The following DNM3 variants were observed in gnomAD, a reference collection of about 807,000 sequenced individuals.
DNM3 encodes dynamin-3.
In DNM3, 47 loss-of-function variants were observed where a neutral mutation model predicts 101.6. That is an observed-to-expected ratio of 0.46 (90% CI 0.37 to 0.59). The LOEUF (loss-of-function observed/expected upper bound fraction) is 0.59. Ranked by LOEUF, DNM3 falls within the 20% of genes least tolerant of loss-of-function variation. The pLI, the probability that DNM3 is intolerant of heterozygous loss-of-function variation, is 0.00. For synonymous variants in DNM3, 385 were observed against 387.9 expected (o/e 0.99, Z 0.09); for missense variants, 849 against 1,085.7 (o/e 0.78, Z 3.06).
intron 14 of DNM3, among the ~76,000 whole-genome samples, chr1:172,232,032 C>A (rs1421218662): frequency 6.6e-6 from 1 of 152,078 alleles, no homozygotes; most frequent in Non-Finnish European, 1.5e-5. Context: ...AGATATTATC[C>A]ATAACAATAT....
intron 4 of DNM3, among the ~76,000 whole-genome samples, chr1:172,027,585 A>AAC (rs61620821): frequency 0.055 from 7,800 of 141,376 alleles, 206 homozygotes; most frequent in Non-Finnish European, 0.061. Flanking sequence ...TGTCTCAAGA[A>AAC]ACACACACAC....
In DNM3 at chr1:171,842,138, C is replaced by T. The variant is rs186817617; in HGVS notation, c.161+321C>T. ...GGTCCGCCCCGGGCTCGACCCCCAC[C>T]CCCTCGGTGCGCGCCAGCCCCGGGC... On this transcript the variant is annotated intron_variant, in intron 1 of 20. Coordinates refer to ENST00000627582, the MANE Select transcript of DNM3 (RefSeq NM_015569.5). 3.5e-3 allele frequency among the ~76,000 whole-genome samples: 530 copies of T among 152,262 alleles called. 5 individuals are homozygous for T. Among genetic ancestry groups the T allele is most frequent in the Non-Finnish European group, 4.7e-3 (320 of 67,994 alleles).
At chr1:172,338,418 T>C (rs2066541928) in intron 17 of DNM3, among the ~76,000 whole-genome samples, 1 of 152,232 alleles carries the variant, frequency 6.6e-6, no homozygotes, top group Non-Finnish European at 1.5e-5. Flanking sequence ...GTGAGAATCA[T>C]GCCCTAAGTC....
At chr1:172,340,662 T>A (rs1410642041) in intron 17 of DNM3, among the ~76,000 whole-genome samples, 1 of 152,228 alleles carries the variant, frequency 6.6e-6, no homozygotes, top group Non-Finnish European at 1.5e-5. Flanking sequence ...ATCAATGCAA[T>A]GAGACATTTC....
At chr1:172,058,821 CA>C (rs1375660286) in intron 10 of DNM3, among the ~76,000 whole-genome samples, 1 of 151,352 alleles carries the variant, frequency 6.6e-6, no homozygotes, top group Non-Finnish European at 1.5e-5. Flanking sequence ...CAAAAGCTAG[CA>C]GAAGGCAAGA....
At chr1:172,064,542 T>A (rs867603829) in intron 10 of DNM3, among the ~76,000 whole-genome samples, 6 of 152,136 alleles carry the variant, frequency 3.9e-5, no homozygotes, top group Non-Finnish European at 7.4e-5. Flanking sequence ...TGAGATTAAA[T>A]GAGATAATGA....
chr1:172,233,629 C>G (rs1349783485), intron 14 of DNM3, among the ~76,000 whole-genome samples: 1 of 152,076 alleles, frequency 6.6e-6, no homozygotes, highest in Non-Finnish European at 1.5e-5. Context: ...AACATCGATG[C>G]AAAAATCCTC....
intron 17 of DNM3, among the ~76,000 whole-genome samples, chr1:172,360,779 T>G (rs1384357718): frequency 6.6e-6 from 1 of 152,048 alleles, no homozygotes; most frequent in Non-Finnish European, 1.5e-5. Flanking sequence ...CAATCTGTCC[T>G]CATCTTATAA....
At chr1:172,359,329 C>T (rs959219316) in intron 17 of DNM3, among the ~76,000 whole-genome samples, 1 of 151,918 alleles carries the variant, frequency 6.6e-6, no homozygotes, top group Non-Finnish European at 1.5e-5. Context: ...CATTATTTTG[C>T]CAGCAAGCCA....
At position 171,841,781 on chromosome 1, in the gene DNM3, C is replaced by G; in HGVS notation, c.125C>G (p.Ala42Gly). 3 of 1,610,024 alleles carry G rather than the reference C, an allele frequency of 1.9e-6. No homozygotes were observed. ...PQIAVVGGQS[A>G]GKSSVLENFV... Reference sequence around the variant, plus strand: ...ATCGCCGTGGTGGGCGGCCAGAGCGCCGGCAAGAGCTCGGTGCTCGAGAAC... The same window carrying G: ...ATCGCCGTGGTGGGCGGCCAGAGCGGCGGCAAGAGCTCGGTGCTCGAGAAC... Residue 42 changes from alanine (A) to glycine (G), a missense_variant, in exon 1 of 21, where the codon GCC becomes GGC. By Grantham distance (60) the Ala-to-Gly change is moderately conservative. Transcript: ENST00000627582.
intron 12 of DNM3, among the ~76,000 whole-genome samples, chr1:172,087,749 C>G (rs953492574): frequency 6.6e-6 from 1 of 152,216 alleles, no homozygotes. Context: ...ACAACAGTCT[C>G]TCTGTACCCC....
At chr1:172,358,005 G>A (rs974489298) in intron 17 of DNM3, among the ~76,000 whole-genome samples, 1 of 152,038 alleles carries the variant, frequency 6.6e-6, no homozygotes, top group South Asian at 2.1e-4. Flanking sequence ...TGCTGAATCA[G>A]TGTGGTAGAG....
chr1:172,218,515 G>A (rs1435703208), intron 14 of DNM3, among the ~76,000 whole-genome samples: 2 of 152,022 alleles, frequency 1.3e-5, no homozygotes. Context: ...GCACTAATAT[G>A]ATGTTATTTA....
At chr1:172,275,246 T>G (rs11808940) in intron 15 of DNM3, among the ~76,000 whole-genome samples, 1 of 151,688 alleles carries the variant, frequency 6.6e-6, no homozygotes, top group Non-Finnish European at 1.5e-5. Flanking sequence ...AGATCAAATT[T>G]CCATTAACTA....
At chr1:171,991,862 C>G (rs975461925) in intron 4 of DNM3, among the ~76,000 whole-genome samples, 2 of 152,186 alleles carry the variant, frequency 1.3e-5, no homozygotes, top group African/African-American at 2.4e-5. Context: ...ACTAAAAATG[C>G]GTACCGCAAT....
At chr1:172,359,810 C>T (rs1169593194) in intron 17 of DNM3, among the ~76,000 whole-genome samples, 1 of 151,986 alleles carries the variant, frequency 6.6e-6, no homozygotes, top group Non-Finnish European at 1.5e-5. Context: ...TTCTGCGGCT[C>T]TTTTCCCTGA....
chr1:172,067,491 T>C (rs968998593), intron 10 of DNM3, among the ~76,000 whole-genome samples: 8 of 152,126 alleles, frequency 5.3e-5, no homozygotes, highest in Non-Finnish European at 1.2e-4. Flanking sequence ...CTGAGGATCA[T>C]ACTCCTCAGT....
chr1:172,159,690 A>G (rs1187231950), intron 14 of DNM3, among the ~76,000 whole-genome samples: 1 of 152,112 alleles, frequency 6.6e-6, no homozygotes, highest in Non-Finnish European at 1.5e-5. Flanking sequence ...TGTCTTCATG[A>G]AATAGATGCA....
intron 1 of DNM3, among the ~76,000 whole-genome samples, chr1:171,862,200 A>G (rs781750402): frequency 6.6e-6 from 1 of 152,178 alleles, no homozygotes; most frequent in Non-Finnish European, 1.5e-5. Context: ...CATAGTTATC[A>G]TAATGTTATA....
Sources: allele counts gnomAD v4.1 joint callset (sites outside exome capture counted in the v4.1 genomes callset), GRCh38; gene constraint gnomAD v4.1.1; transcripts MANE v1.5; gene names NCBI Gene and HGNC (gene_info 2026-07-23, HGNC 2026-07-21).